RIF1: variants seen among roughly 807,000 people sequenced by gnomAD.
RIF1 encodes the protein replication timing regulatory factor 1.
In RIF1, 45 loss-of-function variants were observed where a neutral mutation model predicts 247.1. That is an observed-to-expected ratio of 0.18 (90% confidence interval 0.14 to 0.23). The LOEUF is 0.23. Ranked by LOEUF, RIF1 falls within the 10% of genes least tolerant of loss-of-function variation. RIF1 has a pLI of 1.00. For synonymous variants in RIF1, 1,087 were observed against 978.8 expected (o/e 1.11, Z -2.06); for missense variants, 2,967 against 2,862.5 (o/e 1.04, Z -0.83).
At chr2:151,525,086 C>G in the RIF1 span, 1 of 1,040,280 alleles carries the variant, frequency 9.6e-7, no homozygotes, top group Non-Finnish European at 1.5e-6. Context: ...TGACCACACA[C>G]TGGAACAAGA....
chr2:151,446,733 G>T (rs1693333737), intron 20 of RIF1, among the ~76,000 whole-genome samples, 158 bp downstream of exon 20: 1 of 152,002 alleles, frequency 6.6e-6, no homozygotes, highest in Admixed American at 6.6e-5. Flanking sequence ...ACAGTTTTGT[G>T]TCTTTGGGCT....
Position 151,410,517 on chromosome 2 carries a change from ACT to A in RIF1, c.97_98del (p.Leu33AspfsTer17). The A allele has an allele frequency of 6.2e-7, 1 of 1,612,652 alleles. No individual in the cohort carries two copies. The highest frequency in any genetic ancestry group is 8.5e-7 in the Non-Finnish European group (1 of 1,178,992). ...TGGAGGGCAGACTGACGCTTACCTG[ACT>A]CTGACCAGGTGAGGTCCGCCACGGG... ...SHGGQTDAYL[T>X]LTSRMTGEEG... On this transcript the variant is annotated frameshift_variant, in exon 2 of 36. Coordinates refer to ENST00000444746, the MANE Select transcript of RIF1 (RefSeq NM_018151.5). LOFTEE classifies it high-confidence loss of function.
chr2:151,466,023 G>A lies in RIF1; in HGVS notation c.6503G>A (p.Arg2168His), dbSNP rs1270684875. Reference sequence around the variant, plus strand: ...GACAGTCCTAGTGGCATGCAGACACGCTGTGTCTGGTCTCCTTTGGCTTCT... The same window carrying A: ...GACAGTCCTAGTGGCATGCAGACACACTGTGTCTGGTCTCCTTTGGCTTCT... Reference protein sequence around the residue: ...ANDSPSGMQTRCVWSPLASPS... With the variant: ...ANDSPSGMQTHCVWSPLASPS... Residue 2168 changes from arginine to histidine, a missense_variant, in exon 30 of 36, where the codon CGC (arginine) becomes CAC (histidine). Coordinates refer to ENST00000444746, the MANE Select transcript of RIF1 (RefSeq NM_018151.5). 8 of 1,613,038 alleles carry A rather than the reference G, an allele frequency of 5.0e-6. No individual in the cohort carries two copies. The highest frequency in any genetic ancestry group is 1.3e-5 in the African/African-American group (1 of 74,858).
chr2:151,458,598 T>C (rs1695618807), intron 24 of RIF1, among the ~76,000 whole-genome samples: 1 of 152,106 alleles, frequency 6.6e-6, no homozygotes, highest in Admixed American at 6.5e-5. Flanking sequence ...GAATTTTCCA[T>C]GATAAAAATT....
downstream of RIF1, among the ~76,000 whole-genome samples, chr2:151,509,939 G>C (rs1374649922): frequency 6.6e-6 from 1 of 152,206 alleles, no homozygotes; most frequent in African/African-American, 2.4e-5. Flanking sequence ...TGGTTACCGG[G>C]AGAAGGCCTG....
chr2:151,490,609 C>A, intron 9 of RIF1: 2 of 1,453,052 alleles, frequency 1.4e-6, no homozygotes, highest in Non-Finnish European at 1.9e-6. Context: ...TTATTGTTAT[C>A]TTTGCCAAGC....
the RIF1 span, chr2:151,526,870 G>C: frequency 1.5e-6 from 2 of 1,297,162 alleles, no homozygotes; most frequent in Non-Finnish European, 2.2e-6. Context: ...TACCATGGAA[G>C]ATGGCCCTGA....
intron 16 of RIF1, among the ~76,000 whole-genome samples, chr2:151,442,513 G>A (rs886431066): frequency 6.6e-6 from 1 of 151,782 alleles, no homozygotes; most frequent in African/African-American, 2.4e-5. Context: ...GCTGCTATGT[G>A]AATGAAAAAA....
downstream of RIF1, among the ~76,000 whole-genome samples, chr2:151,512,154 C>T (rs1005424907): frequency 6.6e-6 from 1 of 151,474 alleles, no homozygotes; most frequent in Non-Finnish European, 1.5e-5. Context: ...CCTCAGCCTC[C>T]CAAGTAGCTG....
rs766830714 is a variant in RIF1 at position 151,445,483 on chromosome 2, T to C, written c.2094+38T>C. 9.9e-6 allele frequency: 10 copies of C among 1,009,072 alleles called. No individual in the cohort carries two copies. In the South Asian group the frequency reaches 1.0e-4, roughly 10 times the overall value. 62.5% of individuals were successfully genotyped at this position (1,009,072 alleles called of 1,614,324 possible). A position where few individuals can be genotyped will look rare whatever the true frequency, so the allele number is the denominator to read the frequency against. Reference sequence around the variant, plus strand: ...CAAGTATTGATTTCCGAGGGATTTGTATTTTTCTGAAAATATTATTTCATC... The same window carrying C: ...CAAGTATTGATTTCCGAGGGATTTGCATTTTTCTGAAAATATTATTTCATC... On this transcript the variant is annotated intron_variant, in intron 19 of 35. Coordinates refer to ENST00000444746, the MANE Select transcript of RIF1 (RefSeq NM_018151.5).
At chr2:151,435,276 T>C (rs888735573) in intron 10 of RIF1, among the ~76,000 whole-genome samples, 187 bp from the exon 11 acceptor site, 4 of 152,234 alleles carry the variant, frequency 2.6e-5, no homozygotes, top group Non-Finnish European at 5.9e-5. Context: ...AATACATATT[T>C]AGGGCAAATA....
At chr2:151,487,355 C>G (rs2051596745) in intron 9 of RIF1, among the ~76,000 whole-genome samples, 1 of 152,126 alleles carries the variant, frequency 6.6e-6, no homozygotes, top group African/African-American at 2.4e-5. Context: ...TGGATGTAAC[C>G]TATATGGTTT....
rs750606871 is a variant in RIF1 at position 151,465,472 on chromosome 2, G to T, written c.5952G>T (p.Leu1984Phe). 3 of 1,613,992 alleles carry T rather than the reference G, an allele frequency of 1.9e-6. No homozygotes were observed. The South Asian group carries it at 3.3e-5, about 18-fold the overall frequency. Reference protein sequence around the residue: ...SLSDNTTPVKLNAQTEISEQT... With the variant: ...SLSDNTTPVKFNAQTEISEQT... ...CTGATAATACTACACCTGTAAAATT[G>T]AATGCTCAAACTGAGATTTCTGAAC... The change falls in exon 30 of 36, where the codon TTG (leucine) becomes TTT (phenylalanine). Residue 1984 changes from leucine to phenylalanine, a missense_variant. Physicochemically the swap from Leu to Phe is conservative, Grantham distance 22 (BLOSUM62 0). Coordinates refer to ENST00000444746, the MANE Select transcript of RIF1 (RefSeq NM_018151.5).
chr2:151,417,014 T>A, intron 6 of RIF1, 113 bp downstream of exon 6: 4 of 722,776 alleles, frequency 5.5e-6, no homozygotes, highest in Non-Finnish European at 6.9e-6. Context: ...GAATGTCATT[T>A]ACACCAAACG....
At chr2:151,456,701 TCTG>T in intron 23 of RIF1, 81 bp downstream of exon 23, 1 of 838,750 alleles carries the variant, frequency 1.2e-6, no homozygotes. Context: ...TAAACATAAT[TCTG>T]CTGATTTTTA....
the RIF1 span, among the ~76,000 whole-genome samples, chr2:151,524,990 C>A: frequency 9.9e-5 from 15 of 152,128 alleles, no homozygotes; most frequent in Admixed American, 7.9e-4. Flanking sequence ...TTCTAAAAGT[C>A]CCCATTAAGC....
chr2:151,457,804 G>A lies in RIF1; in HGVS notation c.2696G>A (p.Ser899Asn). 3 of 1,613,800 alleles carry A rather than the reference G, an allele frequency of 1.9e-6. No individual in the cohort carries two copies. Among genetic ancestry groups the A allele is most frequent in the South Asian group, 1.1e-5 (1 of 91,074 alleles). ...GAAATTATTGCTTGTCTGCAATTCA[G>A]CTACACCGGAACTTATGATAGTGAA... is the stretch of plus-strand genomic sequence containing the variant. ...LGEIIACLQF[S>N]YTGTYDSELL... Residue 899 changes from serine (S) to asparagine (N), a missense_variant, in exon 24 of 36, where the codon AGC (serine) becomes AAC (asparagine). Physicochemically the swap from Ser to Asn is conservative, Grantham distance 46. Around this residue, in one of 7 missense-constraint regions of RIF1, gnomAD observed 2,028 missense variants for 1,825.6 expected, o/e 1.11. Transcript: ENST00000444746.
At chr2:151,434,856 G>A (rs1286928568) in intron 10 of RIF1, among the ~76,000 whole-genome samples, 6 of 151,984 alleles carry the variant, frequency 3.9e-5, no homozygotes, top group Non-Finnish European at 8.8e-5. Flanking sequence ...TATTTTAGGG[G>A]TATATTTTAT....
At chr2:151,491,704 G>T in intron 9 of RIF1, 1 of 1,596,104 alleles carries the variant, frequency 6.3e-7, no homozygotes, top group Non-Finnish European at 8.5e-7. Flanking sequence ...TGTAAGCTTC[G>T]GGACTGGATG....
Sources: allele counts gnomAD v4.1 joint callset (sites outside exome capture counted in the v4.1 genomes callset), GRCh38; gene constraint gnomAD v4.1.1; regional missense constraint gnomAD v4.1.1; transcripts MANE v1.5; gene names NCBI Gene and HGNC (gene_info 2026-07-23, HGNC 2026-07-21).